The following CATSPERT variants were observed in gnomAD, a reference collection of about 807,000 sequenced individuals.
CATSPERT encodes catsper channel auxiliary subunit tau, also known as cation channel sperm-associated targeting subunit tau.
At chr2:201,586,873 C>T in the CATSPERT span, among the ~76,000 whole-genome samples, 1 of 152,002 alleles carries the variant, frequency 6.6e-6, no homozygotes, top group Non-Finnish European at 1.5e-5. Context: ...ATTTCTTCCT[C>T]TTGATTTCCT....
chr2:201,613,761 G>T, the CATSPERT span, among the ~76,000 whole-genome samples: 1 of 152,134 alleles, frequency 6.6e-6, no homozygotes, highest in Non-Finnish European at 1.5e-5. Flanking sequence ...AAACTTCTCC[G>T]AGCTAAAGGA....
chr2:201,530,960 G>GTTTTTTTT, the CATSPERT span, among the ~76,000 whole-genome samples: 6 of 82,480 alleles, frequency 7.3e-5, no homozygotes, highest in Admixed American at 1.5e-4. Flanking sequence ...GTTTTTTGTG[G>GTTTTTTTT]GTTTTTTTTT....
the CATSPERT span, chr2:201,491,488 T>C: frequency 2.6e-6 from 4 of 1,536,706 alleles, no homozygotes; most frequent in East Asian, 2.4e-5. Flanking sequence ...TATTTCTTTT[T>C]TGTATTGTGC....
chr2:201,581,226 CA>C, the CATSPERT span, among the ~76,000 whole-genome samples: 1 of 150,946 alleles, frequency 6.6e-6, no homozygotes, highest in African/African-American at 2.4e-5. Context: ...GGCAACACAG[CA>C]AAACCCTGTC....
chr2:201,576,484 G>A, the CATSPERT span, among the ~76,000 whole-genome samples: 1 of 152,320 alleles, frequency 6.6e-6, no homozygotes, highest in South Asian at 2.1e-4. Flanking sequence ...GCCCAGCCCA[G>A]ACCAGGGCTC....
the CATSPERT span, chr2:201,534,931 T>C: frequency 4.6e-6 from 2 of 438,234 alleles, no homozygotes; most frequent in Non-Finnish European, 6.1e-6. Flanking sequence ...TATATGTCTA[T>C]TTTGATTCAA....
At chr2:201,533,576 C>G in the CATSPERT span, among the ~76,000 whole-genome samples, 1 of 152,178 alleles carries the variant, frequency 6.6e-6, no homozygotes, top group Non-Finnish European at 1.5e-5. Flanking sequence ...CCTAAAAAGC[C>G]TCACCCACAT....
the CATSPERT span, among the ~76,000 whole-genome samples, chr2:201,607,380 G>A: frequency 2.0e-5 from 3 of 152,284 alleles, no homozygotes; most frequent in Admixed American, 6.5e-5. Flanking sequence ...GGTCAGACAT[G>A]GTGGCTGACA....
the CATSPERT span, among the ~76,000 whole-genome samples, chr2:201,515,888 A>G: frequency 6.6e-6 from 1 of 152,248 alleles, no homozygotes; most frequent in African/African-American, 2.4e-5. Flanking sequence ...ATGAGCATTC[A>G]CAGTACAAGT....
the CATSPERT span, among the ~76,000 whole-genome samples, chr2:201,560,039 A>G: frequency 0.42 from 64,438 of 152,092 alleles, 14,282 homozygotes; most frequent in East Asian, 0.75. Flanking sequence ...CAGGAAAACA[A>G]TTCATGATTT....
the CATSPERT span, chr2:201,572,061 A>C: frequency 6.9e-7 from 1 of 1,458,168 alleles, no homozygotes; most frequent in Non-Finnish European, 9.6e-7. Context: ...GTTTAGTTTC[A>C]ATTAAAACTC....
chr2:201,588,426 G>C, the CATSPERT span, among the ~76,000 whole-genome samples: 2 of 151,414 alleles, frequency 1.3e-5, no homozygotes, highest in African/African-American at 4.9e-5. Flanking sequence ...AGATAATGCA[G>C]CTATTGAATA....
chr2:201,543,040 C>T, the CATSPERT span, among the ~76,000 whole-genome samples: 1 of 152,104 alleles, frequency 6.6e-6, no homozygotes, highest in Admixed American at 6.5e-5. Flanking sequence ...TGGTGTTAAG[C>T]AAAAGTCTAA....
At chr2:201,490,817 G>GT in the CATSPERT span, among the ~76,000 whole-genome samples, 1 of 152,060 alleles carries the variant, frequency 6.6e-6, no homozygotes, top group African/African-American at 2.4e-5. Context: ...TCCGCCTCCC[G>GT]GGTTCATGCC....
At chr2:201,586,089 C>A in the CATSPERT span, among the ~76,000 whole-genome samples, 1 of 152,180 alleles carries the variant, frequency 6.6e-6, no homozygotes, top group Non-Finnish European at 1.5e-5. Context: ...ACAGTAAATA[C>A]GCTTTCTCTT....
At chr2:201,534,608 T>C in the CATSPERT span, 55 of 983,478 alleles carry the variant, frequency 5.6e-5, no homozygotes, top group South Asian at 1.4e-4. Flanking sequence ...CCAAAATGAC[T>C]AATGAGCAAA....
the CATSPERT span, among the ~76,000 whole-genome samples, chr2:201,600,691 C>A: frequency 6.6e-6 from 1 of 151,358 alleles, no homozygotes; most frequent in Non-Finnish European, 1.5e-5. Flanking sequence ...CCCTAAAATT[C>A]AACTAATGTA....
At chr2:201,496,950 A>G in the CATSPERT span, among the ~76,000 whole-genome samples, 3 of 152,206 alleles carry the variant, frequency 2.0e-5, no homozygotes. Flanking sequence ...GAGTGGCTTT[A>G]GAAGCATCAT....
chr2:201,545,590 G>A, the CATSPERT span: 42 of 1,282,294 alleles, frequency 3.3e-5, no homozygotes, highest in African/African-American at 2.6e-4. Flanking sequence ...ATTACTTTTC[G>A]TGTTTTCAGA....
Sources: allele counts gnomAD v4.1 joint callset (sites outside exome capture counted in the v4.1 genomes callset), GRCh38; gene constraint gnomAD v4.1.1; transcripts MANE v1.5; gene names NCBI Gene and HGNC (gene_info 2026-07-23, HGNC 2026-07-21).